HS3ST4: variants seen among roughly 807,000 people sequenced by gnomAD.
HS3ST4 encodes heparan sulfate-glucosamine 3-sulfotransferase 4.
A neutral mutation model predicts 29.2 loss-of-function variants in HS3ST4; 17 were observed. The ratio of observed to expected loss-of-function variants is 0.58; its 90% CI spans 0.40 to 0.87. The LOEUF (loss-of-function observed/expected upper bound fraction) is 0.87, where lower values mean the gene tolerates loss of function less well. Ranked by LOEUF, HS3ST4 falls within the 40% of genes least tolerant of loss-of-function variation. The pLI is 0.00. For missense variants in HS3ST4, 627 were observed against 634.5 expected, an observed-to-expected ratio of 0.99 and a Z score of 0.13; for synonymous variants, 314 against 285.7, an observed-to-expected ratio of 1.10 and a Z score of -1.00.
chr16:26,070,041 G>A (rs1283576028), intron 1 of HS3ST4, among the ~76,000 whole-genome samples: 3 of 152,168 alleles, frequency 2.0e-5, no homozygotes, highest in Non-Finnish European at 4.4e-5. Context: ...CTTTACAGCA[G>A]CATGATTTAT....
intron 1 of HS3ST4, among the ~76,000 whole-genome samples, chr16:26,037,664 C>T (rs1181047182): frequency 2.6e-5 from 4 of 152,184 alleles, no homozygotes; most frequent in Non-Finnish European, 5.9e-5. Context: ...TTTCACTGAG[C>T]AGTTTGTTGG....
intron 1 of HS3ST4, among the ~76,000 whole-genome samples, chr16:25,724,940 T>G (rs1966521988): frequency 6.6e-6 from 1 of 151,942 alleles, no homozygotes; most frequent in Non-Finnish European, 1.5e-5. Flanking sequence ...TTTTCAAAGA[T>G]AGGCTTTCCT....
chr16:25,713,248 G>A (rs548449861), intron 1 of HS3ST4, among the ~76,000 whole-genome samples: 34 of 151,998 alleles, frequency 2.2e-4, no homozygotes, highest in Admixed American at 9.2e-4. Context: ...TGTCTCCAAG[G>A]TCAGGTGTGG....
intron 1 of HS3ST4, among the ~76,000 whole-genome samples, chr16:25,709,636 C>T (rs1290751745): frequency 6.6e-6 from 1 of 151,924 alleles, no homozygotes; most frequent in East Asian, 1.9e-4. Flanking sequence ...CAAAATCTCC[C>T]TGTCTAGGTC....
In HS3ST4 at chr16:25,873,471, CATCTATCTCTCTATCTATCTATCT is replaced by C. The variant is rs1228653183; in HGVS notation, c.734+180329_734+180352del. On this transcript the variant is annotated intron_variant, in intron 1 of 1. Transcript: ENST00000331351. ...CCACCCATCCATTTACCCACCCATCCATCTATCTCTCTATCTATCTATCTATCTATCTATCTATCTATCTATCTA... is the reference window on the plus strand; with the variant it reads ...CCACCCATCCATTTACCCACCCATCCATCTATCTATCTATCTATCTATCTA... Among the ~76,000 whole-genome samples the C allele has an allele frequency of 2.4e-3, 216 of 90,904 alleles. 4 individuals carry two copies. The highest frequency in any genetic ancestry group is 3.8e-3 in the Non-Finnish European group (172 of 44,704). The allele number at this position is 90,904 out of a possible 152,430, so 59.6% of individuals were successfully genotyped here. A position where few individuals can be genotyped will look rare whatever the true frequency, so the allele number is the denominator to read the frequency against.
chr16:25,892,256 T>A (rs1968016959), intron 1 of HS3ST4, among the ~76,000 whole-genome samples: 1 of 152,134 alleles, frequency 6.6e-6, no homozygotes, highest in African/African-American at 2.4e-5. Flanking sequence ...GGGGCAGGCA[T>A]GCGGCAAGCT....
In HS3ST4 at chr16:25,933,985, A is replaced by G. The variant is rs141831768; in HGVS notation, c.735-201627A>G. Among the ~76,000 whole-genome samples the G allele has an allele frequency of 2.4e-3, 372 of 152,334 alleles. 1 individual carries two copies. Among genetic ancestry groups the G allele is most frequent in the African/African-American group, 8.6e-3 (358 of 41,582 alleles). On this transcript the variant is annotated intron_variant, in intron 1 of 1. Transcript: ENST00000331351. ...TGAGATTTGGAGAGGGAACCATATC[A>G]GCTGGTTTTCCCAGTGCCCATGAAT...
chr16:25,724,255 T>G (rs1396478322), intron 1 of HS3ST4, among the ~76,000 whole-genome samples: 1 of 152,218 alleles, frequency 6.6e-6, no homozygotes, highest in Non-Finnish European at 1.5e-5. Flanking sequence ...GAGCCATCTT[T>G]TTCTTGTTCA....
intron 1 of HS3ST4, among the ~76,000 whole-genome samples, chr16:25,843,928 A>C (rs1967440044): frequency 6.6e-6 from 1 of 152,152 alleles, no homozygotes; most frequent in African/African-American, 2.4e-5. Context: ...ATGTTGCCCC[A>C]GTCTCCTAAA....
chr16:25,796,751 G>A (rs987632425), intron 1 of HS3ST4, among the ~76,000 whole-genome samples: 15 of 152,218 alleles, frequency 9.9e-5, no homozygotes, highest in African/African-American at 2.4e-4. Context: ...AGTGCACTGA[G>A]AGTAGCAGTG....
At position 25,692,480 on chromosome 16, in the gene HS3ST4, G is replaced by T. The variant is rs1476183243; in HGVS notation, c.63G>T (p.Pro21=). 1.5e-6 allele frequency: 2 copies of T among 1,369,428 alleles called. No homozygotes were observed. The highest frequency in any genetic ancestry group is 2.6e-5 in the Admixed American group (1 of 38,874). 84.8% of individuals were successfully genotyped at this position (1,369,428 alleles called of 1,614,324 possible). A position where few individuals can be genotyped will look rare whatever the true frequency, so the allele number is the denominator to read the frequency against. The change falls in exon 1 of 2, where the codon CCG becomes CCT. Residue 21 remains proline, a synonymous_variant. Coordinates refer to ENST00000331351, the MANE Select transcript of HS3ST4 (RefSeq NM_006040.3). The part of the protein sequence containing the change: ...PPPPPPLAAP[P]PPGASAKGPP... ...CGCCTCCACCTCTGGCCGCGCCGCC[G>T]CCGCCCGGCGCCTCTGCTAAGGGGC...
chr16:25,820,493 A>G (rs1242567166), intron 1 of HS3ST4, among the ~76,000 whole-genome samples: 1 of 152,200 alleles, frequency 6.6e-6, no homozygotes, highest in Non-Finnish European at 1.5e-5. Flanking sequence ...TCTTGGGCTC[A>G]AGAGATCCTC....
At chr16:25,816,979 C>T (rs1967098088) in intron 1 of HS3ST4, among the ~76,000 whole-genome samples, 1 of 152,164 alleles carries the variant, frequency 6.6e-6, no homozygotes, top group East Asian at 1.9e-4. Context: ...TTATTATCCA[C>T]ACCTTAAAGG....
chr16:26,094,302 C>T (rs1898896360), intron 1 of HS3ST4, among the ~76,000 whole-genome samples: 1 of 152,124 alleles, frequency 6.6e-6, no homozygotes, highest in Non-Finnish European at 1.5e-5. Context: ...AACCCCAAGA[C>T]ACATAATTGT....
At chr16:26,008,393 GT>G (rs1372277997) in intron 1 of HS3ST4, among the ~76,000 whole-genome samples, 1 of 152,136 alleles carries the variant, frequency 6.6e-6, no homozygotes, top group African/African-American at 2.4e-5. Context: ...GATAAAGGCT[GT>G]TTTTTCACCC....
At chr16:25,854,871 T>C (rs1967560040) in intron 1 of HS3ST4, among the ~76,000 whole-genome samples, 1 of 152,108 alleles carries the variant, frequency 6.6e-6, no homozygotes, top group African/African-American at 2.4e-5. Flanking sequence ...TTTACAAATT[T>C]GTGTTGGGCC....
At chr16:26,092,232 A>T (rs769921453) in intron 1 of HS3ST4, among the ~76,000 whole-genome samples, 1 of 152,164 alleles carries the variant, frequency 6.6e-6, no homozygotes, top group Non-Finnish European at 1.5e-5. Flanking sequence ...TTCTCTGGGC[A>T]GAAAAAAACG....
chr16:25,778,034 G>T (rs549715083), intron 1 of HS3ST4, among the ~76,000 whole-genome samples: 1 of 152,210 alleles, frequency 6.6e-6, no homozygotes, highest in African/African-American at 2.4e-5. Flanking sequence ...GGGCCAGGTG[G>T]ATTGGGGGTC....
At chr16:25,702,547 C>T (rs4787742) in intron 1 of HS3ST4, among the ~76,000 whole-genome samples, 103,879 of 151,804 alleles carry the variant, frequency 0.68, 36,158 homozygotes, top group Non-Finnish European at 0.76. Context: ...TCCTCCTCCC[C>T]TTTCCTGTCT....
Sources: gnomAD v4.1 joint callset for allele counts (sites outside exome capture counted in the v4.1 genomes callset) on GRCh38, gnomAD v4.1.1 for gene constraint, MANE v1.5 for transcripts, NCBI Gene and HGNC (gene_info 2026-07-23, HGNC 2026-07-21) for gene names.